STX8: variants seen among roughly 807,000 people sequenced by gnomAD.
STX8 encodes syntaxin 8, also known as syntaxin-8.
A neutral mutation model predicts 37.5 loss-of-function variants in STX8; 23 were observed. The observed-to-expected ratio is 0.61, with a 90% CI of 0.44 to 0.87. The LOEUF is 0.87. Among genes scored for constraint, STX8 ranks in the 40% least tolerant of loss-of-function variants. The probability of loss-of-function intolerance (pLI) is 0.00; values close to 1 mark genes in which losing one functional copy is unlikely to be tolerated. For synonymous variants in STX8, 115 were observed against 99.1 expected (o/e 1.16, Z -0.95); for missense variants, 313 against 284.7 (o/e 1.10, Z -0.71).
chr17:9,279,761 T>C (rs1284365332), intron 7 of STX8, among the ~76,000 whole-genome samples: 2 of 152,218 alleles, frequency 1.3e-5, no homozygotes, highest in African/African-American at 4.8e-5. Context: ...ACCCCATCTG[T>C]TTTTTGGTTT....
In STX8 at chr17:9,563,860, G is replaced by A. The variant is rs554239797; in HGVS notation, c.117+4511C>T. On this transcript the variant is annotated intron_variant, in intron 2 of 7. Coordinates refer to ENST00000306357, the MANE Select transcript of STX8 (RefSeq NM_004853.3). ...GTCCTCAAAAAAATACTGGCAAACCGAATCCAGCAGCACATCAAAAAGCTT... is the reference window on the plus strand; with the variant it reads ...GTCCTCAAAAAAATACTGGCAAACCAAATCCAGCAGCACATCAAAAAGCTT... Among the ~76,000 whole-genome samples the A allele has an allele frequency of 7.9e-5, 12 of 152,144 alleles. No homozygotes were observed. The East Asian group carries it at 1.7e-3, about 22-fold the overall frequency.
At chr17:9,411,425 CTA>C (rs1403890009) in intron 6 of STX8, among the ~76,000 whole-genome samples, 1 of 152,178 alleles carries the variant, frequency 6.6e-6, no homozygotes, top group African/African-American at 2.4e-5. Context: ...CATGAAGACT[CTA>C]AAATCCCTGG....
intron 6 of STX8, among the ~76,000 whole-genome samples, chr17:9,467,668 G>A (rs1033994114): frequency 1.3e-5 from 2 of 152,160 alleles, no homozygotes; most frequent in Non-Finnish European, 2.9e-5. Flanking sequence ...CCAAAGTGCA[G>A]GGGAAACCCT....
chr17:9,524,669 C>T (rs555693449), intron 4 of STX8, among the ~76,000 whole-genome samples: 97 of 152,206 alleles, frequency 6.4e-4, no homozygotes, highest in African/African-American at 2.2e-3. Flanking sequence ...ATAGCCATCA[C>T]TTCCACCTCA....
At chr17:9,254,882 G>A (rs1006841146) in intron 7 of STX8, among the ~76,000 whole-genome samples, 8 of 152,152 alleles carry the variant, frequency 5.3e-5, no homozygotes, top group African/African-American at 1.9e-4. Flanking sequence ...AAACAAATGA[G>A]TAAATGTATT....
chr17:9,557,565 C>G lies in STX8; in HGVS notation c.118-37G>C, dbSNP rs1907030651. 20 of 1,575,266 alleles carry G rather than the reference C, an allele frequency of 1.3e-5. No individual in the cohort carries two copies. The East Asian group carries it at 4.5e-4, about 35-fold the overall frequency. On this transcript the variant is annotated intron_variant, in intron 2 of 7. Transcript: ENST00000306357. Reference sequence around the variant, plus strand: ...AGAACACATCCTAAGTATTCTAGTCCAGAATGTAGAATCCACAAAATTACA... The same window carrying G: ...AGAACACATCCTAAGTATTCTAGTCGAGAATGTAGAATCCACAAAATTACA...
intron 2 of STX8, among the ~76,000 whole-genome samples, chr17:9,564,528 A>G (rs1198269550): frequency 6.6e-6 from 1 of 152,222 alleles, no homozygotes; most frequent in African/African-American, 2.4e-5. Context: ...ATACAAAATC[A>G]AAGTGCAAAA....
At chr17:9,257,911 C>T (rs573947101) in intron 7 of STX8, among the ~76,000 whole-genome samples, 20 of 152,332 alleles carry the variant, frequency 1.3e-4, no homozygotes, top group African/African-American at 4.3e-4. Flanking sequence ...ATCACTTGAA[C>T]CCGGGAGGAG....
intron 7 of STX8, among the ~76,000 whole-genome samples, chr17:9,371,997 A>T (rs529824447): frequency 1.3e-5 from 2 of 152,162 alleles, no homozygotes; most frequent in African/African-American, 4.8e-5. Context: ...CATTGCCCTT[A>T]GAAATTTATT....
At chr17:9,468,669 C>T (rs1905717745) in intron 6 of STX8, among the ~76,000 whole-genome samples, 3 of 152,034 alleles carry the variant, frequency 2.0e-5, no homozygotes, top group South Asian at 2.1e-4. Context: ...TCTTGGCAGA[C>T]GGTCTTCAAC....
intron 7 of STX8, among the ~76,000 whole-genome samples, chr17:9,371,635 C>CTT (rs11295188): frequency 6.9e-6 from 1 of 145,714 alleles, no homozygotes; most frequent in African/African-American, 2.5e-5. Flanking sequence ...ATGGATTATG[C>CTT]TTTTTTTTTT....
chr17:9,324,995 G>A (rs762993313), intron 7 of STX8, among the ~76,000 whole-genome samples: 5 of 152,134 alleles, frequency 3.3e-5, no homozygotes, highest in African/African-American at 4.8e-5. Flanking sequence ...GTACTCTCTT[G>A]TGATGCCAGG....
intron 6 of STX8, among the ~76,000 whole-genome samples, chr17:9,441,475 G>C (rs540768749): frequency 7.0e-6 from 1 of 143,882 alleles, no homozygotes. Context: ...GGCACAGAGC[G>C]AGACTCCATC....
chr17:9,407,735 T>C (rs1597652826), intron 6 of STX8, among the ~76,000 whole-genome samples: 1 of 152,322 alleles, frequency 6.6e-6, no homozygotes, highest in South Asian at 2.1e-4. Flanking sequence ...CTTTTTCTGG[T>C]TGACAATTGG....
At chr17:9,387,994 C>T (rs1912075328) in intron 6 of STX8, among the ~76,000 whole-genome samples, 1 of 151,814 alleles carries the variant, frequency 6.6e-6, no homozygotes, top group Non-Finnish European at 1.5e-5. Context: ...ATGTTTTAAT[C>T]TAGACCGAAA....
In STX8 at chr17:9,409,393, C is replaced by G. The variant is rs530688009; in HGVS notation, c.542-30740G>C. On this transcript the variant is annotated intron_variant, in intron 6 of 7. Transcript: ENST00000306357. Reference sequence around the variant, plus strand: ...TGGAAAAGGCACTGATTCCAGGACACTCAATTATGTCTTAGGAGCTTGATT... The same window carrying G: ...TGGAAAAGGCACTGATTCCAGGACAGTCAATTATGTCTTAGGAGCTTGATT... Among the ~76,000 whole-genome samples the G allele has an allele frequency of 1.1e-3, 169 of 152,266 alleles. 1 individual carries two copies. Among genetic ancestry groups the G allele is most frequent in the African/African-American group, 4.0e-3 (165 of 41,548 alleles).
At chr17:9,386,617 GA>G (rs1912024046) in intron 6 of STX8, among the ~76,000 whole-genome samples, 1 of 151,930 alleles carries the variant, frequency 6.6e-6, no homozygotes, top group Admixed American at 6.6e-5. Context: ...AAATGCCTTA[GA>G]ATAACAAAAT....
At chr17:9,333,451 G>A (rs1235420660) in intron 7 of STX8, among the ~76,000 whole-genome samples, 1 of 152,114 alleles carries the variant, frequency 6.6e-6, no homozygotes, top group Non-Finnish European at 1.5e-5. Flanking sequence ...GCAGTGGCAT[G>A]ATCTCGGCTC....
At chr17:9,287,569 T>G (rs964229528) in intron 7 of STX8, among the ~76,000 whole-genome samples, 1 of 152,028 alleles carries the variant, frequency 6.6e-6, no homozygotes, top group Non-Finnish European at 1.5e-5. Flanking sequence ...TTCCACTCAT[T>G]AGGGGGGACT....
Sources: allele counts gnomAD v4.1 joint callset (sites outside exome capture counted in the v4.1 genomes callset), GRCh38; gene constraint gnomAD v4.1.1; transcripts MANE v1.5; gene names NCBI Gene and HGNC (gene_info 2026-07-23, HGNC 2026-07-21).